The following CTNNA2 variants were observed in gnomAD, a reference collection of about 807,000 sequenced individuals.
CTNNA2 encodes the protein catenin alpha 2, also known as catenin alpha-2.
Under a neutral mutation model 101.0 loss-of-function variants are expected in CTNNA2, and 42 were observed. The ratio of observed to expected loss-of-function variants is 0.42; its 90% CI spans 0.32 to 0.54. The LOEUF is 0.54. CTNNA2 is among the 20% of genes least tolerant of loss of function. CTNNA2 has a pLI of 0.14. For missense variants in CTNNA2, 871 were observed against 1,223.1 expected (o/e 0.71, Z 4.29); for synonymous variants, 450 against 456.4 (o/e 0.99, Z 0.18).
At chr2:80,625,911 C>G (rs926863781) in intron 18 of CTNNA2, among the ~76,000 whole-genome samples, 1 of 151,970 alleles carries the variant, frequency 6.6e-6, no homozygotes, top group African/African-American at 2.4e-5. Flanking sequence ...ATAATTTACT[C>G]TGTTAAATTT....
intron 7 of CTNNA2, among the ~76,000 whole-genome samples, chr2:80,115,457 T>C (rs576085194): frequency 1.3e-5 from 2 of 152,350 alleles, no homozygotes; most frequent in Admixed American, 6.5e-5. Flanking sequence ...GATTGGGCTC[T>C]CAAGGAGCTG....
intron 7 of CTNNA2, among the ~76,000 whole-genome samples, chr2:80,057,385 G>A (rs72924631): frequency 0.028 from 4,336 of 152,162 alleles, 199 homozygotes; most frequent in African/African-American, 0.098. Context: ...ACACCATTCC[G>A]ATGGAACATG....
intron 7 of CTNNA2, among the ~76,000 whole-genome samples, chr2:80,278,955 A>C (rs977396873): frequency 2.0e-5 from 3 of 151,534 alleles, no homozygotes; most frequent in Admixed American, 2.0e-4. Flanking sequence ...ACAAAGTGAG[A>C]CTCTGTCTCT....
At chr2:79,899,808 C>G (rs759852030) in intron 6 of CTNNA2, among the ~76,000 whole-genome samples, 240 of 152,230 alleles carry the variant, frequency 1.6e-3, no homozygotes, top group Non-Finnish European at 2.3e-3. Context: ...TAGAATTTTT[C>G]TGTAGCTTAA....
At chr2:80,604,049 A>G in intron 15 of CTNNA2, 25 bp from the exon 16 acceptor site, 1 of 1,588,696 alleles carries the variant, frequency 6.3e-7, no homozygotes, top group Non-Finnish European at 8.6e-7. Flanking sequence ...GTGGATTTCT[A>G]ATTATGTTGT....
intron 2 of CTNNA2, among the ~76,000 whole-genome samples, chr2:79,705,004 A>T (rs1038269894): frequency 1.3e-5 from 2 of 152,140 alleles, no homozygotes; most frequent in Non-Finnish European, 2.9e-5. Context: ...TCTCCTCGCC[A>T]CCACTGGGGA....
intron 7 of CTNNA2, among the ~76,000 whole-genome samples, chr2:79,974,193 T>C (rs1690681347): frequency 6.6e-6 from 1 of 152,136 alleles, no homozygotes; most frequent in African/African-American, 2.4e-5. Flanking sequence ...TGATTTCTTT[T>C]AGTCTCAGTT....
At chr2:79,478,633 T>C (rs2104554057) in intron 4 of CTNNA2, among the ~76,000 whole-genome samples, 1 of 152,334 alleles carries the variant, frequency 6.6e-6, no homozygotes, top group East Asian at 1.9e-4. Flanking sequence ...TATTTATACT[T>C]GGCTGGCACA....
intron 9 of CTNNA2, among the ~76,000 whole-genome samples, chr2:80,486,150 T>C (rs1686564798): frequency 1.3e-5 from 2 of 152,228 alleles, no homozygotes; most frequent in South Asian, 2.1e-4. Flanking sequence ...AGAAACAGAA[T>C]GTTCATACTG....
intron 5 of CTNNA2, among the ~76,000 whole-genome samples, chr2:79,506,679 T>C (rs1486822582): frequency 6.6e-6 from 1 of 152,240 alleles, no homozygotes; most frequent in African/African-American, 2.4e-5. Flanking sequence ...CTGTAAGTAT[T>C]ATCTATCATT....
intron 4 of CTNNA2, among the ~76,000 whole-genome samples, chr2:79,480,496 G>C (rs755850603): frequency 3.9e-5 from 6 of 152,022 alleles, no homozygotes; most frequent in Non-Finnish European, 8.8e-5. Context: ...TAAATTATTG[G>C]TTCTATTATA....
intron 9 of CTNNA2, among the ~76,000 whole-genome samples, chr2:80,436,659 C>G (rs545468037): frequency 6.6e-6 from 1 of 152,054 alleles, no homozygotes; most frequent in Non-Finnish European, 1.5e-5. Context: ...CTGGGAGGTC[C>G]AAGATCGAGG....
At chr2:79,466,576 C>T (rs546906750) in intron 4 of CTNNA2, among the ~76,000 whole-genome samples, 1 of 152,346 alleles carries the variant, frequency 6.6e-6, no homozygotes, top group Admixed American at 6.5e-5. Flanking sequence ...GGACAGACTG[C>T]CTCCTCAAGT....
intron 4 of CTNNA2, among the ~76,000 whole-genome samples, chr2:79,392,998 T>C (rs538933807): frequency 1.3e-5 from 2 of 152,312 alleles, no homozygotes; most frequent in African/African-American, 4.8e-5. Flanking sequence ...CAATACTTCT[T>C]CAAGCGGCTT....
rs1369431500 is a variant in CTNNA2, at chr2:79,243,029, C to CACACACAT, written c.-406+44953_-406+44954insACACACAT. 2.3e-3 allele frequency among the ~76,000 whole-genome samples: 350 copies of CACACACAT among 149,578 alleles called. 2 individuals carry two copies. Among genetic ancestry groups the CACACACAT allele is most frequent in the African/African-American group, 8.1e-3 (327 of 40,598 alleles). On this transcript the variant is annotated intron_variant, in intron 2 of 21. Transcript: ENST00000466387. ...ACACACACACACACACACACACACA[C>CACACACAT]GTTAATATTCATGATAAAACAGACG...
At chr2:79,345,649 G>A (rs1343369656) in intron 3 of CTNNA2, among the ~76,000 whole-genome samples, 5 of 152,100 alleles carry the variant, frequency 3.3e-5, no homozygotes, top group African/African-American at 9.7e-5. Context: ...GGCAAAGGGA[G>A]TAAAAAATTG....
chr2:79,528,829 C>T (rs956801144), intron 1 of CTNNA2, among the ~76,000 whole-genome samples: 1 of 152,052 alleles, frequency 6.6e-6, no homozygotes, highest in Non-Finnish European at 1.5e-5. Context: ...TTCTTAATTG[C>T]CTTTCTTAGG....
At chr2:79,732,520 C>T (rs1379044699) in intron 2 of CTNNA2, among the ~76,000 whole-genome samples, 1 of 151,926 alleles carries the variant, frequency 6.6e-6, no homozygotes, top group East Asian at 1.9e-4. Flanking sequence ...TCTCTGTATG[C>T]ATACAAATAG....
At chr2:80,295,368 T>C (rs545449102) in intron 7 of CTNNA2, among the ~76,000 whole-genome samples, 1 of 152,254 alleles carries the variant, frequency 6.6e-6, no homozygotes, top group South Asian at 2.1e-4. Context: ...CTCCCACCCA[T>C]ACATGCCTGA....
Sources: gnomAD v4.1 joint callset for allele counts (sites outside exome capture counted in the v4.1 genomes callset) on GRCh38, gnomAD v4.1.1 for gene constraint, MANE v1.5 for transcripts, NCBI Gene and HGNC (gene_info 2026-07-23, HGNC 2026-07-21) for gene names.